Variants in SLC22A12 observed in about 807,000 individuals in gnomAD.
SLC22A12 encodes the protein organic anion transporter 4-like protein.
Under a neutral mutation model 52.7 loss-of-function variants are expected in SLC22A12, and 56 were observed. The ratio of observed to expected loss-of-function variants is 1.06; its 90% CI spans 0.86 to 1.33. The LOEUF is 1.33. Among genes scored for constraint, SLC22A12 ranks in the 40% most tolerant of loss-of-function variants. The probability of loss-of-function intolerance (pLI) is 0.00; values close to 1 mark genes in which losing one functional copy is unlikely to be tolerated. For synonymous variants in SLC22A12, 337 were observed against 324.6 expected (o/e 1.04, Z -0.41); for missense variants, 683 against 741.5 (o/e 0.92, Z 0.92).
chr11:64,595,291 T>TTGGATGGATGGA (rs200650711), intron 4 of SLC22A12, among the ~76,000 whole-genome samples: 6 of 37,826 alleles, frequency 1.6e-4, no homozygotes, highest in African/African-American at 6.5e-4. Flanking sequence ...GAATGGATGG[T>TTGGATGGATGGA]TGGATGGATG....
chr11:64,593,585 A>G (rs1386252697), intron 3 of SLC22A12, 26 bp downstream of exon 3: 3 of 1,613,958 alleles, frequency 1.9e-6, no homozygotes, highest in African/African-American at 1.3e-5. Context: ...GGCGCCATGC[A>G]GGGGGGCTCC....
chr11:64,599,045 T>C (rs2039350913), intron 6 of SLC22A12, 122 bp downstream of exon 6: 2 of 1,374,014 alleles, frequency 1.5e-6, no homozygotes, highest in Non-Finnish European at 2.0e-6. Flanking sequence ...ACCGACACCT[T>C]CCCCTCTGTC....
At position 64,593,032 on chromosome 11, in the gene SLC22A12, C is replaced by T. The variant is rs992935153; in HGVS notation, c.506+150C>T. On this transcript the variant is annotated intron_variant, in intron 2 of 9. Transcript: ENST00000377574. Reference sequence around the variant, plus strand: ...TGTGGGTCTCGGACCAGCCACCCTGCAGCCGTGCCAGGTAGGGAGGTCTGG... The same window carrying T: ...TGTGGGTCTCGGACCAGCCACCCTGTAGCCGTGCCAGGTAGGGAGGTCTGG... 46 of 693,680 alleles carry T rather than the reference C, an allele frequency of 6.6e-5. 1 individual carries two copies. Among genetic ancestry groups the T allele is most frequent in the Non-Finnish European group, 6.4e-5 (26 of 409,374 alleles). 43.0% of individuals were successfully genotyped at this position (693,680 alleles called of 1,614,324 possible).
chr11:64,601,500 G>C lies in SLC22A12; in HGVS notation c.1611G>C (p.Lys537Asn). 1 of 1,613,834 alleles carries C rather than the reference G, an allele frequency of 6.2e-7. No individual in the cohort carries two copies. Among genetic ancestry groups the C allele is most frequent in the Non-Finnish European group, 8.5e-7 (1 of 1,179,922 alleles). Residue 537 changes from lysine to asparagine, a missense_variant, in exon 10 of 10, where the codon AAG becomes AAC. Lys to Asn is a moderately conservative substitution (Grantham distance 94, BLOSUM62 0). Transcript: ENST00000377574. ...IQDVQNQAVK[K>N]ATHGTLGNSV... Reference sequence around the variant, plus strand: ...GCTTCCTGAACAGGGCAGTAAAGAAGGCAACACATGGCACGCTGGGGAACT... The same window carrying C: ...GCTTCCTGAACAGGGCAGTAAAGAACGCAACACATGGCACGCTGGGGAACT...
intron 6 of SLC22A12, 112 bp from the exon 7 acceptor site, chr11:64,599,564 G>T: frequency 2.6e-6 from 2 of 766,886 alleles, no homozygotes; most frequent in South Asian, 1.7e-5. Flanking sequence ...AGAACACTGA[G>T]CTAAGAGCAG....
chr11:64,593,815 GC>G lies in SLC22A12; in HGVS notation c.830+16del. ...TTTTTGTACTCCTGGTGGGTGCTGT[GC>G]CCCACTCCCCTCCTCAGAGGAGATC... On this transcript the variant is annotated intron_variant, in intron 4 of 9. Transcript: ENST00000377574. 6.2e-7 allele frequency: 1 copy of G among 1,601,806 alleles called. No homozygotes were observed.
rs769164212 is a variant in SLC22A12, at chr11:64,592,781, G to A, written c.405G>A (p.Trp135Ter). 1 of 1,613,234 alleles carries A rather than the reference G, an allele frequency of 6.2e-7. No individual in the cohort carries two copies. The highest frequency in any genetic ancestry group is 8.5e-7 in the Non-Finnish European group (1 of 1,179,590). The change falls in exon 2 of 10, where the codon TGG becomes TGA. Residue 135 changes from tryptophan (W) to a stop codon, truncating the protein, a stop_gained and splice_region_variant. Transcript: ENST00000377574. LOFTEE classifies it high-confidence loss of function. ...TCAGCCTCCTCCTCTCCCATCAGTG[G>A]AACCTCGTGTGTGACTCTCATGCTC... The part of the protein sequence containing the change: ...SIFTSTIVAK[W>*]NLVCDSHALK...
chr11:64,598,989 C>T lies in SLC22A12; in HGVS notation c.1070+66C>T, dbSNP rs78880801. The T allele has an allele frequency of 1.5e-4, 233 of 1,573,038 alleles. 1 individual carries two copies. The East Asian group carries it at 4.4e-3, about 30-fold the overall frequency. ...TGGAATCGGGGCTCTCGCTGGCACA[C>T]GGCCCCGGCCTCTGCTGGCTCCGCT... is the stretch of plus-strand genomic sequence containing the variant. On this transcript the variant is annotated intron_variant, in intron 6 of 9. Coordinates refer to ENST00000377574, the MANE Select transcript of SLC22A12 (RefSeq NM_144585.4).
chr11:64,591,749 G>A lies in SLC22A12; in HGVS notation c.193G>A (p.Gly65Arg), dbSNP rs12800450. 2 of 1,612,726 alleles carry A rather than the reference G, an allele frequency of 1.2e-6. No individual in the cohort carries two copies. Among genetic ancestry groups the A allele is most frequent in the Non-Finnish European group, 1.7e-6 (2 of 1,179,998 alleles). ...CAGCACGGCTCAGGCCAGCATCCTA[G>A]GGAGCTTGAGTCCTGAGGCCCTCCT... is the stretch of plus-strand genomic sequence containing the variant. ...DNSTAQASIL[G>R]SLSPEALLAI... Residue 65 changes from glycine (G) to arginine (R), a missense_variant, in exon 1 of 10, where the codon GGG becomes AGG. Gly to Arg is a moderately radical substitution (Grantham distance 125). Transcript: ENST00000377574.
Position 64,598,573 on chromosome 11 carries a change from G to C in SLC22A12, c.888G>C (p.Leu296=). 6.2e-7 allele frequency: 1 copy of C among 1,606,974 alleles called. No individual in the cohort carries two copies. The highest frequency in any genetic ancestry group is 8.5e-7 in the Non-Finnish European group (1 of 1,177,672). ...LLTTGRLDWG[L]QELWRVAAIN... is the part of the protein sequence containing the mutation. Reference sequence around the variant, plus strand: ...CCACAGGCAGGCTGGATTGGGGCCTGCAGGAGCTGTGGAGGGTGGCTGCCA... The same window carrying C: ...CCACAGGCAGGCTGGATTGGGGCCTCCAGGAGCTGTGGAGGGTGGCTGCCA... The change falls in exon 5 of 10, where the codon CTG becomes CTC. Residue 296 remains leucine (L), a synonymous_variant. Transcript: ENST00000377574.
chr11:64,594,690 T>TGGAC (rs1478948880), intron 4 of SLC22A12, among the ~76,000 whole-genome samples: 3 of 146,220 alleles, frequency 2.1e-5, no homozygotes, highest in African/African-American at 5.0e-5. Flanking sequence ...GACGGATGGA[T>TGGAC]GGATGGATGG....
chr11:64,592,838 T>G lies in SLC22A12; in HGVS notation c.462T>G (p.Ala154=). Residue 154 remains alanine (A), a synonymous_variant, in exon 2 of 10, where the codon GCT becomes GCG. Transcript: ENST00000377574. The part of the protein sequence containing the change: ...LKPMAQSIYL[A]GILVGAAACG... Reference sequence around the variant, plus strand: ...CCATGGCCCAGTCCATCTACCTGGCTGGGATTCTGGTGGGAGCTGCTGCGT... The same window carrying G: ...CCATGGCCCAGTCCATCTACCTGGCGGGGATTCTGGTGGGAGCTGCTGCGT... 1 of 1,613,980 alleles carries G rather than the reference T, an allele frequency of 6.2e-7. No homozygotes were observed. The highest frequency in any genetic ancestry group is 8.5e-7 in the Non-Finnish European group (1 of 1,180,000).
intron 4 of SLC22A12, among the ~76,000 whole-genome samples, chr11:64,597,776 G>T (rs902669725): frequency 6.6e-6 from 1 of 152,210 alleles, no homozygotes; most frequent in East Asian, 1.9e-4. Flanking sequence ...TCAGCAGGCG[G>T]GGCGGGACGG....
At chr11:64,599,288 T>C (rs1301981427) in intron 6 of SLC22A12, among the ~76,000 whole-genome samples, 2 of 151,986 alleles carry the variant, frequency 1.3e-5, no homozygotes, top group Admixed American at 6.6e-5. Flanking sequence ...CCAGGACCCA[T>C]GGCCATCCAG....
chr11:64,601,490 C>G lies in SLC22A12; in HGVS notation c.1601C>G (p.Ala534Gly). 6.2e-7 allele frequency: 1 copy of G among 1,612,998 alleles called. No individual in the cohort carries two copies. Among genetic ancestry groups the G allele is most frequent in the Non-Finnish European group, 8.5e-7 (1 of 1,179,852 alleles). ...ACCCCCGTGTGCTTCCTGAACAGGGCAGTAAAGAAGGCAACACATGGCACG... is the reference window on the plus strand; with the variant it reads ...ACCCCCGTGTGCTTCCTGAACAGGGGAGTAAAGAAGGCAACACATGGCACG... Reference protein sequence around the residue: ...PDTIQDVQNQAVKKATHGTLG... With the variant: ...PDTIQDVQNQGVKKATHGTLG... The change falls in exon 10 of 10, where the codon GCA becomes GGA. Residue 534 changes from alanine to glycine, a missense_variant and splice_region_variant. Physicochemically the swap from Ala to Gly is moderately conservative, Grantham distance 60 (BLOSUM62 0). Transcript: ENST00000377574.
chr11:64,600,500 A>G lies in SLC22A12; in HGVS notation c.1394+25A>G, dbSNP rs775548348. The G allele has an allele frequency of 8.3e-6, 13 of 1,558,850 alleles. No individual in the cohort carries two copies. In the Admixed American group the frequency reaches 2.3e-4, roughly 28 times the overall value. The stretch of plus-strand genomic sequence containing the variant: ...GGTGAGGCTGGGCCTGGGCTCCAGG[A>G]GAGGGGAGCCCTGGGCTGAGCTGCG... On this transcript the variant is annotated intron_variant, in intron 8 of 9. Coordinates refer to ENST00000377574, the MANE Select transcript of SLC22A12 (RefSeq NM_144585.4).
rs1410402882 is a variant in SLC22A12, at chr11:64,600,920, T to C, written c.1580T>C (p.Ile527Thr). The change falls in exon 9 of 10, where the codon ATC (isoleucine) becomes ACC (threonine). Residue 527 changes from isoleucine (I) to threonine (T), a missense_variant. Transcript: ENST00000377574. ...ETQSLPLPDT[I>T]QDVQNQAVKK... is the part of the protein sequence containing the mutation. ...CAGAGCTTGCCGCTGCCCGACACCA[T>C]CCAAGATGTGCAGAACCAGTGAGTG... 2.5e-6 allele frequency: 4 copies of C among 1,608,826 alleles called. No individual in the cohort carries two copies. The Admixed American group carries it at 5.0e-5, about 20-fold the overall frequency.
In SLC22A12 at chr11:64,591,832, C is replaced by A; in HGVS notation, c.276C>A (p.Arg92=). 1 of 1,612,668 alleles carries A rather than the reference C, an allele frequency of 6.2e-7. No individual in the cohort carries two copies. Among genetic ancestry groups the A allele is most frequent in the Non-Finnish European group, 8.5e-7 (1 of 1,180,016 alleles). Residue 92 remains arginine (R), a synonymous_variant, in exon 1 of 10, where the codon CGC becomes CGA. Coordinates refer to ENST00000377574, the MANE Select transcript of SLC22A12 (RefSeq NM_144585.4). ...GGCCCCACCAGTGCCGCCGCTTCCG[C>A]CAGCCACAGTGGCAGCTCTTGGACC... ...NQRPHQCRRF[R]QPQWQLLDPN...
Position 64,599,987 on chromosome 11 carries a change from G to T in SLC22A12, c.1285+97G>T. 4.9e-6 allele frequency: 7 copies of T among 1,438,366 alleles called. No homozygotes were observed. The Admixed American group carries it at 5.9e-5, about 12-fold the overall frequency. The allele number at this position is 1,438,366 out of a possible 1,614,324, so 89.1% of individuals were successfully genotyped here. ...CCTTGGAGGTGCTGGACTAGAGCAG[G>T]TACCCTGGTAGGAAGGAGGCTGCCG... On this transcript the variant is annotated intron_variant, in intron 7 of 9. Transcript: ENST00000377574.
Sources: gnomAD v4.1 joint callset for allele counts (sites outside exome capture counted in the v4.1 genomes callset) on GRCh38, gnomAD v4.1.1 for gene constraint, MANE v1.5 for transcripts, NCBI Gene and HGNC (gene_info 2026-07-23, HGNC 2026-07-21) for gene names.